Variants in SAXO5 observed in about 807,000 individuals in gnomAD.
The protein encoded by SAXO5 is testis expressed 45.
chr19:7,503,904 G>T, the SAXO5 span, among the ~76,000 whole-genome samples: 1 of 152,210 alleles, frequency 6.6e-6, no homozygotes, highest in African/African-American at 2.4e-5. Context: ...GAATAGCTGG[G>T]ATTACAGGCA....
At chr19:7,501,945 T>TG in the SAXO5 span, among the ~76,000 whole-genome samples, 4 of 137,940 alleles carry the variant, frequency 2.9e-5, no homozygotes, top group Non-Finnish European at 6.3e-5. Context: ...GAGGAAGACT[T>TG]GGGGGGTGGC....
At chr19:7,504,092 C>T in the SAXO5 span, 1 of 1,506,846 alleles carries the variant, frequency 6.6e-7, no homozygotes, top group Non-Finnish European at 9.2e-7. Flanking sequence ...CTCTCTCTCT[C>T]TCCCCCCATC....
At chr19:7,506,889 C>T in the SAXO5 span, 13,428 of 593,080 alleles carry the variant, frequency 0.023, 245 homozygotes, top group Middle Eastern at 0.061. Flanking sequence ...GCTTCTCCCT[C>T]CTTCTTTGGC....
At chr19:7,498,280 G>A in the SAXO5 span, among the ~76,000 whole-genome samples, 9 of 151,468 alleles carry the variant, frequency 5.9e-5, no homozygotes, top group South Asian at 2.1e-4. Context: ...GCGTGGTCTC[G>A]GATCACTGCA....
the SAXO5 span, chr19:7,504,309 A>G: frequency 6.2e-7 from 1 of 1,614,214 alleles, no homozygotes; most frequent in Non-Finnish European, 8.5e-7. Context: ...GTCTGCCCAC[A>G]GGCCTCCTCC....
the SAXO5 span, chr19:7,504,099 C>CT: frequency 1.2e-6 from 1 of 868,184 alleles, no homozygotes; most frequent in Non-Finnish European, 1.7e-6. Context: ...TCTCTCCCCC[C>CT]ATCCCCCTTG....
At chr19:7,500,914 A>AAG in the SAXO5 span, 2 of 1,583,680 alleles carry the variant, frequency 1.3e-6, no homozygotes, top group Non-Finnish European at 1.7e-6. Flanking sequence ...CTGGGGCCTG[A>AAG]CCTGCGGCTG....
At chr19:7,498,242 G>A in the SAXO5 span, among the ~76,000 whole-genome samples, 1 of 150,092 alleles carries the variant, frequency 6.7e-6, no homozygotes, top group Non-Finnish European at 1.5e-5. Flanking sequence ...ATGGGGTTTC[G>A]CTCTGTCACC....
chr19:7,505,680 A>G, the SAXO5 span: 7 of 1,532,158 alleles, frequency 4.6e-6, no homozygotes, highest in Non-Finnish European at 5.4e-6. Context: ...AGACAGAGCA[A>G]ATAGCAGGTG....
At chr19:7,506,427 C>T in the SAXO5 span, 1 of 530,592 alleles carries the variant, frequency 1.9e-6, no homozygotes, top group South Asian at 1.9e-5. Context: ...CCTGGATAAT[C>T]CCGCCCCTTC....
chr19:7,501,533 G>A, the SAXO5 span: 19 of 1,100,112 alleles, frequency 1.7e-5, no homozygotes, highest in Non-Finnish European at 2.2e-5. Flanking sequence ...GTCAGGACTT[G>A]GGGGGTGGCC....
the SAXO5 span, chr19:7,508,119 T>TCATC: frequency 8.9e-7 from 1 of 1,120,332 alleles, no homozygotes; most frequent in Non-Finnish European, 1.3e-6. Context: ...GCCCCCTGAC[T>TCATC]CATCAGGCCT....
chr19:7,504,057 G>A, the SAXO5 span: 6 of 1,116,794 alleles, frequency 5.4e-6, no homozygotes, highest in Admixed American at 2.0e-5. Flanking sequence ...CTTCCAGAGG[G>A]CTTGAGATGG....
At chr19:7,498,170 T>TAC in the SAXO5 span, among the ~76,000 whole-genome samples, 39,082 of 142,302 alleles carry the variant, frequency 0.27, 5,175 homozygotes, top group Non-Finnish European at 0.31. Context: ...CACACACACA[T>TAC]ACACACACAC....
At chr19:7,498,220 T>C in the SAXO5 span, among the ~76,000 whole-genome samples, 2 of 151,312 alleles carry the variant, frequency 1.3e-5, no homozygotes, top group South Asian at 2.1e-4. Flanking sequence ...ATGTTTTCTT[T>C]CTATTTTTGT....
At chr19:7,505,572 T>C in the SAXO5 span, 300 of 1,614,152 alleles carry the variant, frequency 1.9e-4, no homozygotes, top group African/African-American at 3.4e-3. Flanking sequence ...TGAAAGGAAA[T>C]TGGTGCCCCG....
the SAXO5 span, among the ~76,000 whole-genome samples, chr19:7,502,778 C>T: frequency 3.3e-5 from 5 of 152,144 alleles, no homozygotes; most frequent in Non-Finnish European, 7.3e-5. Flanking sequence ...AAAATGGGTG[C>T]AATCACAGGG....
the SAXO5 span, among the ~76,000 whole-genome samples, chr19:7,502,690 A>AC: frequency 2.7e-5 from 4 of 150,682 alleles, no homozygotes; most frequent in Non-Finnish European, 4.4e-5. Context: ...TCCTCCCCAC[A>AC]CCCCCCAGCC....
At chr19:7,504,118 A>G in the SAXO5 span, 1 of 1,590,138 alleles carries the variant, frequency 6.3e-7, no homozygotes, top group East Asian at 2.2e-5. Context: ...TGCCTATCCT[A>G]AGGGGGCCCC....
Sources: gnomAD v4.1 joint callset for allele counts (sites outside exome capture counted in the v4.1 genomes callset) on GRCh38, gnomAD v4.1.1 for gene constraint, MANE v1.5 for transcripts, NCBI Gene and HGNC (gene_info 2026-07-23, HGNC 2026-07-21) for gene names.